CSNK1A1: variants seen among roughly 807,000 people sequenced by gnomAD.
CSNK1A1 encodes casein kinase I isoform alpha.
A neutral mutation model predicts 46.1 loss-of-function variants in CSNK1A1; 7 were observed. The observed-to-expected ratio is 0.15, with a 90% CI of 0.09 to 0.29. CSNK1A1 has a LOEUF of 0.29. Ranked by LOEUF, CSNK1A1 falls within the 10% of genes least tolerant of loss-of-function variation. CSNK1A1 has a pLI of 1.00. For missense variants in CSNK1A1, 96 were observed against 417.1 expected (o/e 0.23, Z 6.71); for synonymous variants, 137 against 141.5 (o/e 0.97, Z 0.23).
intron 4 of CSNK1A1, among the ~76,000 whole-genome samples, chr5:149,516,727 C>T (rs1054958450): frequency 2.0e-5 from 3 of 152,116 alleles, no homozygotes; most frequent in Non-Finnish European, 4.4e-5. Context: ...GTCTTCCCCC[C>T]ACCCCTTATC....
At chr5:149,542,051 C>T (rs760452736) in intron 2 of CSNK1A1, among the ~76,000 whole-genome samples, 6 of 151,316 alleles carry the variant, frequency 4.0e-5, no homozygotes, top group South Asian at 2.1e-4. Context: ...GGCCACTGAC[C>T]GGTATCCAGT....
chr5:149,501,589 G>A (rs1036441770), intron 9 of CSNK1A1: 2 of 985,128 alleles, frequency 2.0e-6, no homozygotes, highest in Admixed American at 1.2e-4. Flanking sequence ...TTTGAGAGCT[G>A]TCTATATTAT....
At position 149,495,143 on chromosome 5, in the gene CSNK1A1, C is replaced by A. The variant is rs757773804; in HGVS notation, c.*1710G>T. On this transcript the variant is annotated 3_prime_UTR_variant, in exon 10 of 10. Coordinates refer to ENST00000377843, the MANE Select transcript of CSNK1A1 (RefSeq NM_001892.6). ...ACTTAATAAAATTTCTTCAGTATTA[C>A]GGTACTAATATCCCTTAATGGCAGA... 2 of 151,966 alleles carry A rather than the reference C, an allele frequency of 1.3e-5. No individual in the cohort carries two copies. Among genetic ancestry groups the A allele is most frequent in the Non-Finnish European group, 2.9e-5 (2 of 68,000 alleles). The allele number at this position is 151,966 out of a possible 1,614,324, so 9.4% of individuals were successfully genotyped here. A position where few individuals can be genotyped will look rare whatever the true frequency, so the allele number is the denominator to read the frequency against.
chr5:149,538,700 A>G lies in CSNK1A1; in HGVS notation c.230+11375T>C, dbSNP rs1454645192. On this transcript the variant is annotated intron_variant, in intron 2 of 9. Transcript: ENST00000377843. The stretch of plus-strand genomic sequence containing the variant: ...CACTTTGGGAGGCCAAGGCAGCTGG[A>G]TCACTTGAGACCAGGAGTTCGAGAC... Among the ~76,000 whole-genome samples the G allele has an allele frequency of 2.6e-5, 4 of 152,178 alleles. No individual in the cohort carries two copies. In the East Asian group the frequency reaches 7.7e-4, roughly 29 times the overall value.
chr5:149,534,824 T>C (rs1427541397), intron 2 of CSNK1A1, among the ~76,000 whole-genome samples: 2 of 147,834 alleles, frequency 1.4e-5, no homozygotes, highest in African/African-American at 5.0e-5. Flanking sequence ...CCCAGGAAGC[T>C]GAGGCAGGAG....
chr5:149,551,178 G>A lies in CSNK1A1; in HGVS notation c.-214C>T. ...TTCTTTTTGCCAGGCCGCAGTTTGT[G>A]AAGGGCTTCTCGGCGGTTACCAGGC... On this transcript the variant is annotated 5_prime_UTR_variant, in exon 1 of 10. Coordinates refer to ENST00000377843, the MANE Select transcript of CSNK1A1 (RefSeq NM_001892.6). The A allele has an allele frequency of 2.3e-6, 1 of 442,090 alleles. No individual in the cohort carries two copies. The highest frequency in any genetic ancestry group is 3.3e-5 in the South Asian group (1 of 30,110). 27.4% of individuals were successfully genotyped at this position (442,090 alleles called of 1,614,324 possible).
intron 2 of CSNK1A1, among the ~76,000 whole-genome samples, chr5:149,542,648 A>ATATATATATATATATATGTATG (rs1762318800): frequency 3.6e-4 from 2 of 5,618 alleles, no homozygotes; most frequent in African/African-American, 1.2e-3. Context: ...ATGTATATAT[A>ATATATATATATATATATGTATG]TATATATATA....
chr5:149,498,922 C>A (rs1162839762), intron 9 of CSNK1A1: 7 of 985,230 alleles, frequency 7.1e-6, no homozygotes, highest in Non-Finnish European at 8.4e-6. Context: ...TGAGGAATTG[C>A]TGAGTCAATA....
chr5:149,498,231 T>C (rs1411036396), intron 9 of CSNK1A1: 1 of 985,244 alleles, frequency 1.0e-6, no homozygotes, highest in African/African-American at 1.7e-5. Context: ...ATGCCCCTTT[T>C]TTTTTTTGGG....
At chr5:149,522,986 T>C (rs968067056) in intron 3 of CSNK1A1, among the ~76,000 whole-genome samples, 5 of 152,102 alleles carry the variant, frequency 3.3e-5, no homozygotes, top group South Asian at 2.1e-4. Flanking sequence ...AACAAAAACA[T>C]AAGCCATAAC....
At chr5:149,498,285 T>C (rs1760720833) in intron 9 of CSNK1A1, 3 of 985,426 alleles carry the variant, frequency 3.0e-6, no homozygotes, top group Non-Finnish European at 1.2e-6. Flanking sequence ...TAATAGATCT[T>C]TGTTGCCTGG....
chr5:149,551,015 G>T lies in CSNK1A1; in HGVS notation c.-51C>A. 1 of 1,609,234 alleles carries T rather than the reference G, an allele frequency of 6.2e-7. No individual in the cohort carries two copies. On this transcript the variant is annotated 5_prime_UTR_variant, in exon 1 of 10. Coordinates refer to ENST00000377843, the MANE Select transcript of CSNK1A1 (RefSeq NM_001892.6). ...GGCCAAGCCCCGACACCTCTGGGAA[G>T]AGGACGGAGGCCTCGGGGCTCCTAC...
chr5:149,513,131 T>TA lies in CSNK1A1; in HGVS notation c.534dup (p.Lys179Ter). On this transcript the variant is annotated frameshift_variant, in exon 5 of 10. Transcript: ENST00000377843. LOFTEE classifies it high-confidence loss of function. ...TATCGGGCAGTGCCAGTGAGGTTTT[T>TA]ATCTTCTCTGTATGGTATGTGTTGC... The TA allele has an allele frequency of 6.2e-7, 1 of 1,614,194 alleles. No homozygotes were observed. The highest frequency in any genetic ancestry group is 8.5e-7 in the Non-Finnish European group (1 of 1,180,020).
chr5:149,518,609 G>A (rs1761466641), intron 4 of CSNK1A1, among the ~76,000 whole-genome samples: 1 of 152,108 alleles, frequency 6.6e-6, no homozygotes. Flanking sequence ...TCTTAGTTGA[G>A]TAAAACACTT....
Position 149,516,692 on chromosome 5 carries a change from T to C in CSNK1A1, c.457-3483A>G, listed in dbSNP as rs570587737. On this transcript the variant is annotated intron_variant, in intron 4 of 9. Coordinates refer to ENST00000377843, the MANE Select transcript of CSNK1A1 (RefSeq NM_001892.6). ...TATAAAACTAGTTTTATTCTTATAA[T>C]ATGCCTAATGATCCACCATCTACTG... 5.1e-4 allele frequency among the ~76,000 whole-genome samples: 77 copies of C among 152,304 alleles called. 1 individual carries two copies. Among genetic ancestry groups the C allele is most frequent in the African/African-American group, 1.7e-3 (71 of 41,580 alleles).
At chr5:149,530,986 TAAAC>T (rs1031419446) in intron 2 of CSNK1A1, among the ~76,000 whole-genome samples, 26 of 48,038 alleles carry the variant, frequency 5.4e-4, no homozygotes, top group African/African-American at 6.6e-4. Context: ...AAAGAACACA[TAAAC>T]AAAAAAAAAA....
Position 149,537,362 on chromosome 5 carries a change from T to A in CSNK1A1, c.231-12191A>T, listed in dbSNP as rs540039429. 8.1e-4 allele frequency among the ~76,000 whole-genome samples: 123 copies of A among 152,160 alleles called. 2 individuals carry two copies. The highest frequency in any genetic ancestry group is 2.7e-3 in the African/African-American group (114 of 41,518). ...CTGTACTCCAGCCTGAGCGACAGAGTGAGACTCCATCTCTAGTGAAAAACA... is the reference window on the plus strand; with the variant it reads ...CTGTACTCCAGCCTGAGCGACAGAGAGAGACTCCATCTCTAGTGAAAAACA... On this transcript the variant is annotated intron_variant, in intron 2 of 9. Coordinates refer to ENST00000377843, the MANE Select transcript of CSNK1A1 (RefSeq NM_001892.6).
intron 2 of CSNK1A1, among the ~76,000 whole-genome samples, chr5:149,529,344 ATC>A: frequency 6.6e-6 from 1 of 152,340 alleles, no homozygotes; most frequent in South Asian, 2.1e-4. Flanking sequence ...GGCAAGGTCT[ATC>A]TCTCTGCTCT....
intron 2 of CSNK1A1, among the ~76,000 whole-genome samples, chr5:149,541,461 C>A (rs184603975): frequency 6.6e-6 from 1 of 152,078 alleles, no homozygotes; most frequent in African/African-American, 2.4e-5. Flanking sequence ...CCCGGCCAGT[C>A]AACCAAAATT....
Sources: allele counts gnomAD v4.1 joint callset (sites outside exome capture counted in the v4.1 genomes callset), GRCh38; gene constraint gnomAD v4.1.1; transcripts MANE v1.5; gene names NCBI Gene and HGNC (gene_info 2026-07-23, HGNC 2026-07-21).